Variants in LY75 observed in about 807,000 individuals in gnomAD.
LY75 encodes lymphocyte antigen 75, also known as C-type lectin domain family 13 member B.
In LY75, 185 loss-of-function variants were observed where a neutral mutation model predicts 231.7. That is an observed-to-expected ratio of 0.80 (90% CI 0.71 to 0.90). LY75 has a LOEUF of 0.90. Ranked by LOEUF, LY75 falls within the 40% of genes least tolerant of loss-of-function variation. LY75 has a pLI of 0.00. For missense variants in LY75, 1,947 were observed against 2,050.2 expected (o/e 0.95, Z 0.97); for synonymous variants, 668 against 689.0 (o/e 0.97, Z 0.48).
At chr2:159,824,293 CA>C (rs58090927) in intron 28 of LY75, among the ~76,000 whole-genome samples, 12 of 149,342 alleles carry the variant, frequency 8.0e-5, no homozygotes, top group African/African-American at 9.8e-5. Context: ...GAAAACAAAA[CA>C]AAAAAAAAGC....
chr2:159,841,794 T>TA (rs1684037941), intron 24 of LY75, among the ~76,000 whole-genome samples: 1 of 152,048 alleles, frequency 6.6e-6, no homozygotes, highest in African/African-American at 2.4e-5. Flanking sequence ...TAATAAAATG[T>TA]AAAATCTGAA....
chr2:159,872,300 T>C (rs1685038263), intron 13 of LY75, 151 bp downstream of exon 13: 3 of 930,124 alleles, frequency 3.2e-6, no homozygotes, highest in Non-Finnish European at 1.6e-6. Flanking sequence ...GAGTGCTTAA[T>C]GTTCCATGAC....
intron 28 of LY75, among the ~76,000 whole-genome samples, chr2:159,829,998 G>C (rs957535507): frequency 5.9e-5 from 9 of 152,136 alleles, no homozygotes; most frequent in African/African-American, 1.4e-4. Flanking sequence ...GTCACTTTCA[G>C]GTGAAGCCTC....
rs374107195 is a variant in LY75, at chr2:159,875,414, T to C, written c.1974+30A>G. On this transcript the variant is annotated intron_variant, in intron 12 of 34. Coordinates refer to ENST00000263636, the MANE Select transcript of LY75 (RefSeq NM_002349.4). ...CAAGGGTAGTGGAAAAATAACTTCATTGAAGGATAGAATGAGAATGTCACT... is the reference window on the plus strand; with the variant it reads ...CAAGGGTAGTGGAAAAATAACTTCACTGAAGGATAGAATGAGAATGTCACT... The C allele has an allele frequency of 2.2e-5, 35 of 1,603,978 alleles. 1 individual carries two copies. The highest frequency in any genetic ancestry group is 1.9e-4 in the South Asian group (17 of 89,882).
At chr2:159,814,444 C>A (rs1005753757) in intron 31 of LY75, among the ~76,000 whole-genome samples, 6 of 152,014 alleles carry the variant, frequency 3.9e-5, no homozygotes, top group African/African-American at 1.4e-4. Flanking sequence ...AGCCTAGGAT[C>A]CTAGTTCAAG....
chr2:159,893,299 A>C (rs996253495), intron 3 of LY75, among the ~76,000 whole-genome samples: 2 of 152,230 alleles, frequency 1.3e-5, no homozygotes, highest in African/African-American at 4.8e-5. Flanking sequence ...AAGGAAAGTT[A>C]CGTTGAAATG....
At position 159,882,330 on chromosome 2, in the gene LY75, G is replaced by A; in HGVS notation, c.1055-15C>T. 6.2e-7 allele frequency: 1 copy of A among 1,609,996 alleles called. No individual in the cohort carries two copies. The highest frequency in any genetic ancestry group is 8.5e-7 in the Non-Finnish European group (1 of 1,178,464). On this transcript the variant is annotated splice_polypyrimidine_tract_variant and intron_variant, in intron 6 of 34. Coordinates refer to ENST00000263636, the MANE Select transcript of LY75 (RefSeq NM_002349.4). ...TGTCCAGACATCTGGGGGAAAAGCA[G>A]CTATTTATATTCCAGTAAAGATACA...
intron 23 of LY75, among the ~76,000 whole-genome samples, chr2:159,848,068 G>GTA (rs557189751): frequency 0.018 from 2,264 of 123,574 alleles, 74 homozygotes; most frequent in Middle Eastern, 0.085. Flanking sequence ...ATTATGGTGT[G>GTA]TATATATATA....
rs1013192777 is a variant in LY75, at chr2:159,849,144, T to A, written c.3150+836A>T. ...TTATATTGTACATAGTTACTCACGA[T>A]TGAGAACTTCCTTTGCTACCAACAT... On this transcript the variant is annotated intron_variant, in intron 23 of 34. Transcript: ENST00000263636. Among the ~76,000 whole-genome samples the A allele has an allele frequency of 2.0e-5, 3 of 152,306 alleles. No individual in the cohort carries two copies. The South Asian group carries it at 6.2e-4, about 32-fold the overall frequency.
Position 159,853,671 on chromosome 2 carries a change from C to G in LY75, c.2622G>C (p.Trp874Cys). Reference protein sequence around the residue: ...ANISGDGQKWWIRISEWPIDD... With the variant: ...ANISGDGQKWCIRISEWPIDD... The stretch of plus-strand genomic sequence containing the variant: ...CTATTGGCCACTCGCTAATTCTTAT[C>G]CACCACTTCTGTCCATCACCAGATA... Residue 874 changes from tryptophan (W) to cysteine (C), a missense_variant, in exon 19 of 35, where the codon TGG becomes TGC. Trp to Cys is a radical substitution (Grantham distance 215, BLOSUM62 -2). Transcript: ENST00000263636. The G allele has an allele frequency of 6.2e-7, 1 of 1,613,534 alleles. No individual in the cohort carries two copies.
chr2:159,844,070 A>G (rs1260020031), intron 23 of LY75, among the ~76,000 whole-genome samples: 2 of 152,154 alleles, frequency 1.3e-5, no homozygotes, highest in Non-Finnish European at 2.9e-5. Context: ...TCAGAATTTC[A>G]GAACACAGAA....
At chr2:159,870,556 G>C (rs762613127) in intron 13 of LY75, among the ~76,000 whole-genome samples, 2 of 152,150 alleles carry the variant, frequency 1.3e-5, no homozygotes, top group Non-Finnish European at 2.9e-5. Context: ...CCAAGCTGGA[G>C]TGCAGTGGCA....
chr2:159,821,653 A>G (rs1253276815), intron 28 of LY75, among the ~76,000 whole-genome samples: 2 of 151,450 alleles, frequency 1.3e-5, no homozygotes, highest in East Asian at 3.9e-4. Context: ...GAAAGAAAAC[A>G]TAGGAGTAAG....
At chr2:159,823,564 A>G (rs12992893) in intron 28 of LY75, among the ~76,000 whole-genome samples, 2 of 152,206 alleles carry the variant, frequency 1.3e-5, no homozygotes, top group Admixed American at 1.3e-4. Context: ...ACCTAGCAAG[A>G]CAGGCCAACA....
At chr2:159,847,102 C>T (rs570085191) in intron 23 of LY75, among the ~76,000 whole-genome samples, 1 of 152,242 alleles carries the variant, frequency 6.6e-6, no homozygotes, top group Non-Finnish European at 1.5e-5. Context: ...ACTTCCGCCT[C>T]CCAGGTTCAA....
intron 4 of LY75, among the ~76,000 whole-genome samples, 156 bp downstream of exon 4, chr2:159,890,057 G>A (rs1038385358): frequency 6.6e-6 from 1 of 152,118 alleles, no homozygotes; most frequent in Non-Finnish European, 1.5e-5. Context: ...ATTACATTCA[G>A]TACTTTTTTG....
chr2:159,850,775 T>C (rs1451397450), intron 21 of LY75, among the ~76,000 whole-genome samples: 4 of 91,958 alleles, frequency 4.3e-5, no homozygotes, highest in Admixed American at 1.1e-4. Context: ...CAAACTTTCA[T>C]ATATATATAT....
intron 33 of LY75, 55 bp from the exon 34 acceptor site, chr2:159,807,195 C>A (rs1574515207): frequency 6.4e-7 from 1 of 1,557,866 alleles, no homozygotes; most frequent in East Asian, 2.3e-5. Context: ...TAGTAAGTTA[C>A]AAGCATGGGT....
chr2:159,902,049 T>C (rs1447165485), intron 1 of LY75, among the ~76,000 whole-genome samples: 1 of 152,238 alleles, frequency 6.6e-6, no homozygotes, highest in African/African-American at 2.4e-5. Context: ...TTAGAAAATT[T>C]GGTACAGAAG....
Sources: gnomAD v4.1 joint callset for allele counts (sites outside exome capture counted in the v4.1 genomes callset) on GRCh38, gnomAD v4.1.1 for gene constraint, MANE v1.5 for transcripts, NCBI Gene and HGNC (gene_info 2026-07-23, HGNC 2026-07-21) for gene names.